The following ADAMTSL3 variants were observed in gnomAD, a reference collection of about 807,000 sequenced individuals.
The protein encoded by ADAMTSL3 is ADAMTS like 3, also known as ADAMTS-like protein 3.
ADAMTSL3 carries 128 observed loss-of-function variants against 201.7 expected under a neutral mutation model. That is an observed-to-expected ratio of 0.63 (90% CI 0.55 to 0.73). The LOEUF (loss-of-function observed/expected upper bound fraction) is 0.73, where lower values mean the gene tolerates loss of function less well. Ranked by LOEUF, ADAMTSL3 falls within the 30% of genes least tolerant of loss-of-function variation. The pLI is 0.00. For missense variants in ADAMTSL3, 1,990 were observed against 2,119.6 expected, an observed-to-expected ratio of 0.94 and a Z score of 1.20; for synonymous variants, 738 against 748.4, an observed-to-expected ratio of 0.99 and a Z score of 0.23.
intron 2 of ADAMTSL3, among the ~76,000 whole-genome samples, chr15:83,670,130 C>T (rs1231024174): frequency 4.6e-5 from 7 of 151,416 alleles, no homozygotes; most frequent in East Asian, 2.0e-4. Flanking sequence ...TGGTGGTGCA[C>T]GCCTGTAGTC....
intron 23 of ADAMTSL3, among the ~76,000 whole-genome samples, chr15:84,011,915 G>C (rs1251823690): frequency 6.6e-6 from 1 of 152,166 alleles, no homozygotes; most frequent in Non-Finnish European, 1.5e-5. Context: ...CTATGTTGTG[G>C]TTAAGAAAGG....
intron 23 of ADAMTSL3, 112 bp downstream of exon 23, chr15:83,991,326 T>A (rs1352559168): frequency 4.7e-6 from 7 of 1,494,410 alleles, no homozygotes; most frequent in East Asian, 2.3e-5. Flanking sequence ...CTCAGCCTGA[T>A]AGGCTTAAAA....
At chr15:83,729,158 C>T (rs891494479) in intron 3 of ADAMTSL3, among the ~76,000 whole-genome samples, 1 of 152,048 alleles carries the variant, frequency 6.6e-6, no homozygotes. Context: ...CTGTTTCTTT[C>T]TCTTGCTGCC....
chr15:84,031,461 AT>A (rs2068408694), intron 28 of ADAMTSL3, 29 bp downstream of exon 28: 1 of 1,591,266 alleles, frequency 6.3e-7, no homozygotes, highest in Admixed American at 1.7e-5. Flanking sequence ...AGCAGCACAC[AT>A]TCTCTCCTGA....
intron 19 of ADAMTSL3, among the ~76,000 whole-genome samples, chr15:83,948,684 G>T (rs943570840): frequency 2.0e-5 from 3 of 152,048 alleles, no homozygotes; most frequent in Non-Finnish European, 4.4e-5. Flanking sequence ...GGTCTTGATC[G>T]AAGGTTGTTG....
intron 20 of ADAMTSL3, among the ~76,000 whole-genome samples, chr15:83,978,950 C>T (rs1323788881): frequency 6.6e-6 from 1 of 152,234 alleles, no homozygotes; most frequent in Admixed American, 6.5e-5. Context: ...CATGGCCTCC[C>T]TTAGAAGGAG....
intron 7 of ADAMTSL3, among the ~76,000 whole-genome samples, chr15:83,853,612 G>A (rs1470610494): frequency 6.6e-6 from 1 of 152,074 alleles, no homozygotes; most frequent in Non-Finnish European, 1.5e-5. Context: ...ACATTAGTAG[G>A]TTTCCTAAAT....
chr15:83,978,247 T>A (rs2067321076), intron 20 of ADAMTSL3, among the ~76,000 whole-genome samples: 1 of 152,166 alleles, frequency 6.6e-6, no homozygotes, highest in Non-Finnish European at 1.5e-5. Flanking sequence ...GGAGCTGAGG[T>A]CATTGCCATA....
chr15:84,026,154 A>G (rs2068303021), intron 27 of ADAMTSL3, among the ~76,000 whole-genome samples: 1 of 152,220 alleles, frequency 6.6e-6, no homozygotes, highest in Non-Finnish European at 1.5e-5. Context: ...CATGAGTAAA[A>G]TAGTACAGCA....
rs750938832 is a variant in ADAMTSL3 at position 83,982,623 on chromosome 15, G to T, written c.2995G>T (p.Asp999Tyr). 7 of 1,614,048 alleles carry T rather than the reference G, an allele frequency of 4.3e-6. No homozygotes were observed. Among genetic ancestry groups the T allele is most frequent in the Middle Eastern group, 1.6e-4 (1 of 6,084 alleles). The change falls in exon 21 of 30, where the codon GAC (aspartate) becomes TAC (tyrosine). Residue 999 changes from aspartate to tyrosine, a missense_variant. By Grantham distance (160) the Asp-to-Tyr change is radical (BLOSUM62 -3). Coordinates refer to ENST00000286744, the MANE Select transcript of ADAMTSL3 (RefSeq NM_207517.3). Reference sequence around the variant, plus strand: ...AGTTGTGCTCAAGCTCATTGGTACTGACAACCGGCTCATCGCACGCCCAGC... The same window carrying T: ...AGTTGTGCTCAAGCTCATTGGTACTTACAACCGGCTCATCGCACGCCCAGC... Reference protein sequence around the residue: ...ETVVLKLIGTDNRLIARPALR... With the variant: ...ETVVLKLIGTYNRLIARPALR...
In ADAMTSL3 at chr15:84,014,622, C is replaced by T; in HGVS notation, c.4054C>T (p.Leu1352=). ...TGTTTCCTTGCTTTTCAATGGATCC[C>T]TGTTGTTGCAGAATGTTTCCCTTGA... ...GNVSLLFNGS[L]LLQNVSLENE... The change falls in exon 24 of 30, where the codon CTG becomes TTG. Residue 1352 remains leucine, a synonymous_variant. Transcript: ENST00000286744. The T allele has an allele frequency of 6.2e-7, 1 of 1,613,546 alleles. No individual in the cohort carries two copies. The highest frequency in any genetic ancestry group is 8.5e-7 in the Non-Finnish European group (1 of 1,179,854).
chr15:83,910,434 C>A (rs2401180), intron 15 of ADAMTSL3, among the ~76,000 whole-genome samples: 93,454 of 148,510 alleles, frequency 0.63, 30,395 homozygotes, highest in African/African-American at 0.79. Context: ...ATGCTGGATT[C>A]TGTGTAATTA....
intron 19 of ADAMTSL3, among the ~76,000 whole-genome samples, chr15:83,945,268 T>C (rs1364431809): frequency 1.3e-5 from 2 of 152,114 alleles, no homozygotes; most frequent in African/African-American, 4.8e-5. Context: ...TATAGGTCAA[T>C]GACTTGAGGG....
rs762683802 is a variant in ADAMTSL3, at chr15:83,942,929, TCAGAA to T, written c.2343_2347del (p.Asn781LysfsTer19). On this transcript the variant is annotated frameshift_variant, in exon 19 of 30. Coordinates refer to ENST00000286744, the MANE Select transcript of ADAMTSL3 (RefSeq NM_207517.3). LOFTEE classifies it high-confidence loss of function. Reference sequence around the variant, plus strand: ...GTTCCAGGACTTGTGGCGGGGGAACTCAGAACAGAAGAGTCACCTGTCGGCAGCTG... The same window carrying T: ...GTTCCAGGACTTGTGGCGGGGGAACTCAGAAGAGTCACCTGTCGGCAGCTG... The T allele has an allele frequency of 1.2e-6, 2 of 1,604,468 alleles. No individual in the cohort carries two copies. Among genetic ancestry groups the T allele is most frequent in the Non-Finnish European group, 1.7e-6 (2 of 1,175,042 alleles).
At chr15:83,724,070 T>A (rs1007886454) in intron 3 of ADAMTSL3, among the ~76,000 whole-genome samples, 1 of 151,800 alleles carries the variant, frequency 6.6e-6, no homozygotes, top group Non-Finnish European at 1.5e-5. Context: ...TGTTTTTTTT[T>A]AATTTTTAAA....
intron 2 of ADAMTSL3, among the ~76,000 whole-genome samples, chr15:83,680,104 T>C (rs2061457029): frequency 6.6e-6 from 1 of 152,106 alleles, no homozygotes; most frequent in African/African-American, 2.4e-5. Flanking sequence ...AAAAAGATGT[T>C]TGTTGTGCTG....
intron 2 of ADAMTSL3, among the ~76,000 whole-genome samples, chr15:83,674,108 A>C (rs1474598210): frequency 1.3e-5 from 2 of 149,916 alleles, no homozygotes; most frequent in Non-Finnish European, 3.0e-5. Context: ...CTATTTATCA[A>C]ATTTTTTCAC....
At position 84,034,616 on chromosome 15, in the gene ADAMTSL3, T is replaced by G. The variant is rs78189971; in HGVS notation, c.4755-2157T>G. Reference sequence around the variant, plus strand: ...AAATCAGAATCACCTAGGAAATTTCTGTAAAATAAAGATGCTTGGGCCTCA... The same window carrying G: ...AAATCAGAATCACCTAGGAAATTTCGGTAAAATAAAGATGCTTGGGCCTCA... On this transcript the variant is annotated intron_variant, in intron 28 of 29. Transcript: ENST00000286744. Among the ~76,000 whole-genome samples the G allele has an allele frequency of 8.6e-3, 1,307 of 152,290 alleles. 14 individuals are homozygous for G. The highest frequency in any genetic ancestry group is 0.03 in the African/African-American group (1,244 of 41,542).
chr15:83,700,277 C>T (rs1217620435), intron 2 of ADAMTSL3, among the ~76,000 whole-genome samples: 2 of 152,328 alleles, frequency 1.3e-5, no homozygotes, highest in Middle Eastern at 3.4e-3. Flanking sequence ...TGTAAGCCTG[C>T]GTCTGTTCCT....
Sources: allele counts gnomAD v4.1 joint callset (sites outside exome capture counted in the v4.1 genomes callset), GRCh38; gene constraint gnomAD v4.1.1; transcripts MANE v1.5; gene names NCBI Gene and HGNC (gene_info 2026-07-23, HGNC 2026-07-21).